CTNND2: variants seen among roughly 807,000 people sequenced by gnomAD.
The protein encoded by CTNND2 is catenin delta-2.
CTNND2 carries 22 observed loss-of-function variants against 144.4 expected under a neutral mutation model. That is an observed-to-expected ratio of 0.15 (90% CI 0.11 to 0.22). The LOEUF (loss-of-function observed/expected upper bound fraction) is 0.22, where lower values mean the gene tolerates loss of function less well. Among genes scored for constraint, CTNND2 ranks in the 10% least tolerant of loss-of-function variants. The pLI is 1.00. For synonymous variants in CTNND2, 751 were observed against 695.6 expected (o/e 1.08, Z -1.25); for missense variants, 1,353 against 1,618.8 (o/e 0.84, Z 2.82).
chr5:11,227,000 T>C (rs188669859), intron 10 of CTNND2, among the ~76,000 whole-genome samples: 44 of 152,330 alleles, frequency 2.9e-4, no homozygotes, highest in Admixed American at 1.7e-3. Context: ...GATTCTAACT[T>C]CCTAAAGGGC....
intron 2 of CTNND2, among the ~76,000 whole-genome samples, chr5:11,646,669 TA>T (rs1782375749): frequency 6.6e-6 from 1 of 152,166 alleles, no homozygotes; most frequent in Non-Finnish European, 1.5e-5. Context: ...TATTTTAAAA[TA>T]TTTTTTGTTC....
At position 11,527,692 on chromosome 5, in the gene CTNND2, A is replaced by G. The variant is rs527468028; in HGVS notation, c.287+37252T>C. 1.6e-4 allele frequency among the ~76,000 whole-genome samples: 24 copies of G among 152,328 alleles called. No homozygotes were observed. The Middle Eastern group carries it at 0.017, about 108-fold the overall frequency. ...CTTGGTCATAGCATGACACTCCTCT[A>G]AGCTGCTGTGTCATTATATTTAATA... On this transcript the variant is annotated intron_variant, in intron 3 of 21. Coordinates refer to ENST00000304623, the MANE Select transcript of CTNND2 (RefSeq NM_001332.4).
intron 8 of CTNND2, among the ~76,000 whole-genome samples, chr5:11,358,831 A>T (rs891118018): frequency 6.6e-5 from 10 of 152,150 alleles, no homozygotes; most frequent in African/African-American, 2.4e-4. Context: ...CTTCATGAAG[A>T]TATTTAGCAA....
chr5:11,013,915 T>C (rs575867254), intron 18 of CTNND2, among the ~76,000 whole-genome samples: 1 of 152,256 alleles, frequency 6.6e-6, no homozygotes, highest in East Asian at 1.9e-4. Context: ...TCTCACCCTA[T>C]GGGCTGGAAT....
rs1185794104 is a variant in CTNND2, at chr5:11,519,371, TCCAA to T, written c.287+45569_287+45572del. Among the ~76,000 whole-genome samples, 3 of 152,204 alleles carry T rather than the reference TCCAA, an allele frequency of 2.0e-5. No individual in the cohort carries two copies. In the East Asian group the frequency reaches 5.8e-4, roughly 29 times the overall value. On this transcript the variant is annotated intron_variant, in intron 3 of 21. Transcript: ENST00000304623. ...CAATAATGGCTTCCATGTTAGCACT[TCCAA>T]TAGGTCTTGATTCATCTTACACATC... is the stretch of plus-strand genomic sequence containing the variant.
chr5:11,200,871 G>T (rs1304728624), intron 10 of CTNND2, among the ~76,000 whole-genome samples: 1 of 152,066 alleles, frequency 6.6e-6, no homozygotes, highest in African/African-American at 2.4e-5. Context: ...AGTAGAGACA[G>T]GGTTTCACCG....
Position 11,310,858 on chromosome 5 carries a change from C to T in CTNND2, c.1628+35514G>A, listed in dbSNP as rs899296600. 4.8e-5 allele frequency among the ~76,000 whole-genome samples: 7 copies of T among 144,962 alleles called. No individual in the cohort carries two copies. The South Asian group carries it at 1.6e-3, about 32-fold the overall frequency. On this transcript the variant is annotated intron_variant, in intron 9 of 21. Transcript: ENST00000304623. ...CCCTTAACCCACACGTACTTACACT[C>T]ATACACTCACTCTCCATGCACCCTC...
chr5:11,172,235 G>A (rs1290998327), intron 11 of CTNND2, among the ~76,000 whole-genome samples: 1 of 152,028 alleles, frequency 6.6e-6, no homozygotes, highest in Non-Finnish European at 1.5e-5. Context: ...CACTGGGGCT[G>A]GGAGTTATTT....
At chr5:11,878,255 T>C (rs748514425) in intron 1 of CTNND2, among the ~76,000 whole-genome samples, 41 of 152,324 alleles carry the variant, frequency 2.7e-4, no homozygotes, top group Middle Eastern at 3.4e-3. Context: ...AACTCCATTA[T>C]AAATATTACA....
chr5:11,537,751 C>A (rs544872854), intron 3 of CTNND2, among the ~76,000 whole-genome samples: 1 of 152,112 alleles, frequency 6.6e-6, no homozygotes, highest in Non-Finnish European at 1.5e-5. Flanking sequence ...AGTATAGTAC[C>A]AGCTTTAGTA....
intron 2 of CTNND2, among the ~76,000 whole-genome samples, chr5:11,645,725 T>G (rs1782311405): frequency 6.6e-6 from 1 of 152,156 alleles, no homozygotes; most frequent in South Asian, 2.1e-4. Flanking sequence ...AATAAAAATA[T>G]CTTGTCCTTA....
intron 1 of CTNND2, among the ~76,000 whole-genome samples, chr5:11,896,252 T>A (rs1444284693): frequency 1.3e-5 from 2 of 152,174 alleles, no homozygotes; most frequent in African/African-American, 2.4e-5. Flanking sequence ...TAAATACTAA[T>A]TACATGAGAT....
At chr5:11,575,391 A>G (rs1340653545) in intron 2 of CTNND2, among the ~76,000 whole-genome samples, 2 of 152,242 alleles carry the variant, frequency 1.3e-5, no homozygotes, top group African/African-American at 4.8e-5. Context: ...ATATGACATT[A>G]GATCACTTTT....
chr5:11,732,170 G>A lies in CTNND2; in HGVS notation c.140C>T (p.Thr47Ile). The A allele has an allele frequency of 6.2e-7, 1 of 1,613,928 alleles. No homozygotes were observed. The highest frequency in any genetic ancestry group is 8.5e-7 in the Non-Finnish European group (1 of 1,179,872). Residue 47 changes from threonine (T) to isoleucine (I), a missense_variant, in exon 2 of 22, where the codon ACC becomes ATC. Physicochemically the swap from Thr to Ile is moderately conservative, Grantham distance 89. Transcript: ENST00000304623. ...GACTGAGGCGAGGATGGCAGAGGTGGTTTCTGTTTCAGAGCCATCCCCGTT... is the reference window on the plus strand; with the variant it reads ...GACTGAGGCGAGGATGGCAGAGGTGATTTCTGTTTCAGAGCCATCCCCGTT... ...TSNGDGSETE[T>I]TSAILASVKE...
At chr5:11,368,209 G>A (rs1405646371) in intron 7 of CTNND2, among the ~76,000 whole-genome samples, 1 of 152,134 alleles carries the variant, frequency 6.6e-6, no homozygotes, top group Non-Finnish European at 1.5e-5. Flanking sequence ...GGTTCAGAGA[G>A]CCCCCCAAAA....
intron 15 of CTNND2, among the ~76,000 whole-genome samples, chr5:11,094,503 T>TG (rs1205318363): frequency 1.4e-5 from 2 of 145,566 alleles, no homozygotes; most frequent in African/African-American, 5.0e-5. Flanking sequence ...TTTTTTGAGA[T>TG]GGAGTCTCAC....
intron 1 of CTNND2, among the ~76,000 whole-genome samples, chr5:11,851,743 G>A (rs1016333815): frequency 3.9e-5 from 6 of 152,202 alleles, no homozygotes; most frequent in African/African-American, 1.4e-4. Flanking sequence ...AATTCCATTT[G>A]TGATTTTGGT....
intron 1 of CTNND2, among the ~76,000 whole-genome samples, chr5:11,809,592 A>C (rs1792205879): frequency 6.6e-6 from 1 of 152,206 alleles, no homozygotes; most frequent in Non-Finnish European, 1.5e-5. Flanking sequence ...AGGGCGGACC[A>C]CAGGTCTCCA....
intron 1 of CTNND2, among the ~76,000 whole-genome samples, chr5:11,825,807 T>C (rs1793572281): frequency 6.6e-6 from 1 of 152,160 alleles, no homozygotes; most frequent in Admixed American, 6.5e-5. Flanking sequence ...CCTGAAATTA[T>C]GAAAGGCAAA....
Sources: allele counts gnomAD v4.1 joint callset (sites outside exome capture counted in the v4.1 genomes callset), GRCh38; gene constraint gnomAD v4.1.1; transcripts MANE v1.5; gene names NCBI Gene and HGNC (gene_info 2026-07-23, HGNC 2026-07-21).